Variants in ZMYND11 observed in about 807,000 individuals in gnomAD.
ZMYND11 encodes zinc finger MYND-type containing 11.
Under a neutral mutation model 84.9 loss-of-function variants are expected in ZMYND11, and 9 were observed. The ratio of observed to expected loss-of-function variants is 0.11; its 90% CI spans 0.06 to 0.18. ZMYND11 has a LOEUF of 0.18. Ranked by LOEUF, ZMYND11 falls within the 10% of genes least tolerant of loss-of-function variation. The pLI is 1.00. For missense variants in ZMYND11, 409 were observed against 761.0 expected, an observed-to-expected ratio of 0.54 and a Z score of 5.44; for synonymous variants, 250 against 244.1, an observed-to-expected ratio of 1.02 and a Z score of -0.23.
At chr10:171,415 G>A (rs1588630508) in intron 1 of ZMYND11, among the ~76,000 whole-genome samples, 1 of 152,048 alleles carries the variant, frequency 6.6e-6, no homozygotes, top group South Asian at 2.1e-4. Context: ...GACCACATTC[G>A]ATGCCATAAA....
chr10:158,412 CTTTTTTT>C (rs372896551), intron 1 of ZMYND11, among the ~76,000 whole-genome samples: 2 of 142,484 alleles, frequency 1.4e-5, no homozygotes, highest in African/African-American at 5.2e-5. Context: ...TTGTCTTTTC[CTTTTTTT>C]TTTTTTTTTT....
intron 1 of ZMYND11, among the ~76,000 whole-genome samples, chr10:172,514 G>A (rs186412124): frequency 2.0e-5 from 3 of 152,218 alleles, no homozygotes; most frequent in Admixed American, 6.5e-5. Context: ...TAGTACCCCC[G>A]AAATGAAATG....
chr10:247,133 G>C, intron 11 of ZMYND11, 160 bp downstream of exon 11: 1 of 803,770 alleles, frequency 1.2e-6, no homozygotes. Flanking sequence ...CAGTTCAAAT[G>C]AATACATAGA....
chr10:214,976 TTAATG>T (rs1945910082), intron 3 of ZMYND11, among the ~76,000 whole-genome samples: 1 of 152,218 alleles, frequency 6.6e-6, no homozygotes, highest in Non-Finnish European at 1.5e-5. Flanking sequence ...AACAAAGGCT[TTAATG>T]TAATACACTA....
chr10:186,642 CAAAAAAAAAAAAAAAAA>C lies in ZMYND11; in HGVS notation c.116+6535_116+6551del, dbSNP rs56345833. ...ACTGGGGAACAGAGCAGGACTCTCT[CAAAAAAAAAAAAAAAAA>C]AAAAAAAAAAAAAAAAAAAAGAAAT... On this transcript the variant is annotated intron_variant, in intron 2 of 14. Coordinates refer to ENST00000381604, the MANE Select transcript of ZMYND11 (RefSeq NM_001370100.5). Among the ~76,000 whole-genome samples the C allele has an allele frequency of 8.7e-4, 83 of 95,142 alleles. 1 individual carries two copies. Among genetic ancestry groups the C allele is most frequent in the African/African-American group, 2.0e-3 (50 of 24,978 alleles). The allele number at this position is 95,142 out of a possible 152,430, so 62.4% of individuals were successfully genotyped here. A position where few individuals can be genotyped will look rare whatever the true frequency, so the allele number is the denominator to read the frequency against.
chr10:248,449 A>G lies in ZMYND11; in HGVS notation c.1341A>G (p.Ser447=), dbSNP rs746196313. ...AGACAAAGAAGTTAAGTGCCTCTTCACCAAGAATGCTGCATCGGAGCACCC... is the reference window on the plus strand; with the variant it reads ...AGACAAAGAAGTTAAGTGCCTCTTCGCCAAGAATGCTGCATCGGAGCACCC... ...STQTKKLSAS[S]PRMLHRSTQT... is the part of the protein sequence containing the mutation. Residue 447 remains serine (S), a synonymous_variant, in exon 13 of 15, where the codon TCA becomes TCG. Transcript: ENST00000381604. 3 of 1,614,194 alleles carry G rather than the reference A, an allele frequency of 1.9e-6. No homozygotes were observed. The highest frequency in any genetic ancestry group is 2.5e-6 in the Non-Finnish European group (3 of 1,180,020).
At chr10:243,867 A>G (rs1279422069) in intron 10 of ZMYND11, among the ~76,000 whole-genome samples, 1 of 152,172 alleles carries the variant, frequency 6.6e-6, no homozygotes, top group African/African-American at 2.4e-5. Context: ...TCCGTCTCAA[A>G]AAAATAATAA....
chr10:243,531 A>C (rs1419004836), intron 10 of ZMYND11, among the ~76,000 whole-genome samples: 2 of 152,224 alleles, frequency 1.3e-5, no homozygotes, highest in Non-Finnish European at 2.9e-5. Context: ...TTAACTTGTT[A>C]GATGTCATTC....
rs574135772 is a variant in ZMYND11, at chr10:154,290, A to G, written c.-20+18731A>G. 3.3e-5 allele frequency among the ~76,000 whole-genome samples: 5 copies of G among 152,256 alleles called. No individual in the cohort carries two copies. The South Asian group carries it at 6.2e-4, about 19-fold the overall frequency. ...GAACAAAAGCTCGTCTAATACATACACATGTATGGTGTTATAGTGTCTCTG... is the reference window on the plus strand; with the variant it reads ...GAACAAAAGCTCGTCTAATACATACGCATGTATGGTGTTATAGTGTCTCTG... On this transcript the variant is annotated intron_variant, in intron 1 of 14. Transcript: ENST00000381604.
At chr10:175,534 A>G (rs146126846) in intron 1 of ZMYND11, among the ~76,000 whole-genome samples, 11,198 of 152,164 alleles carry the variant, frequency 0.074, 467 homozygotes, top group East Asian at 0.1. Flanking sequence ...ACACCATTGC[A>G]CTCCAGCCTG....
chr10:231,740 A>C (rs1229281724), intron 4 of ZMYND11, among the ~76,000 whole-genome samples: 1 of 152,248 alleles, frequency 6.6e-6, no homozygotes, highest in Non-Finnish European at 1.5e-5. Context: ...AACTGGCTTA[A>C]GAATCCCTTG....
chr10:202,856 TGTG>T (rs1237138071), intron 2 of ZMYND11, among the ~76,000 whole-genome samples: 1 of 152,158 alleles, frequency 6.6e-6, no homozygotes, highest in Non-Finnish European at 1.5e-5. Flanking sequence ...GACCTCTTCT[TGTG>T]TTGTGTGTTA....
Position 253,456 on chromosome 10 carries a change from A to G in ZMYND11, c.*986A>G, listed in dbSNP as rs1182121204. The G allele has an allele frequency of 6.6e-6, 1 of 152,654 alleles. No homozygotes were observed. The highest frequency in any genetic ancestry group is 1.5e-5 in the Non-Finnish European group (1 of 68,036). The allele number at this position is 152,654 out of a possible 1,614,324, so 9.5% of individuals were successfully genotyped here. On this transcript the variant is annotated 3_prime_UTR_variant, in exon 15 of 15. Coordinates refer to ENST00000381604, the MANE Select transcript of ZMYND11 (RefSeq NM_001370100.5). ...TGTAGTAATGGGTCATTGCCTACTA[A>G]TGAACTCCATCACTGTACACAGAAT...
At chr10:228,178 G>A (rs906531387) in intron 4 of ZMYND11, among the ~76,000 whole-genome samples, 3 of 152,098 alleles carry the variant, frequency 2.0e-5, no homozygotes. Context: ...CCTATGTATT[G>A]TTATCTAGGC....
intron 2 of ZMYND11, among the ~76,000 whole-genome samples, chr10:187,015 A>C (rs901653341): frequency 4.0e-5 from 6 of 151,880 alleles, no homozygotes; most frequent in African/African-American, 1.5e-4. Context: ...ATCGCTTGAG[A>C]GTAGGAGTTT....
At chr10:237,144 A>T (rs1228157213) in intron 5 of ZMYND11, among the ~76,000 whole-genome samples, 1 of 152,234 alleles carries the variant, frequency 6.6e-6, no homozygotes, top group Admixed American at 6.5e-5. Context: ...CATAAGCTAC[A>T]TGAGATTAGA....
chr10:194,438 C>T (rs1249619507), intron 2 of ZMYND11, among the ~76,000 whole-genome samples: 3 of 152,120 alleles, frequency 2.0e-5, no homozygotes, highest in African/African-American at 7.2e-5. Context: ...TGAGAACTAC[C>T]TAGGAGTGGA....
At chr10:249,317 A>G in intron 14 of ZMYND11, 2 of 1,361,038 alleles carry the variant, frequency 1.5e-6, no homozygotes, top group Non-Finnish European at 9.4e-7. Context: ...AATTGAGATT[A>G]TAATACCTTA....
At chr10:239,001 T>TCTGTGAC (rs1950450107) in intron 6 of ZMYND11, among the ~76,000 whole-genome samples, 1 of 152,182 alleles carries the variant, frequency 6.6e-6, no homozygotes, top group Non-Finnish European at 1.5e-5. Flanking sequence ...TATATCTTAG[T>TCTGTGAC]AGTTATGGTA....
Sources: allele counts gnomAD v4.1 joint callset (sites outside exome capture counted in the v4.1 genomes callset), GRCh38; gene constraint gnomAD v4.1.1; transcripts MANE v1.5; gene names NCBI Gene and HGNC (gene_info 2026-07-23, HGNC 2026-07-21).